Variants in C3orf33 observed in about 807,000 individuals in gnomAD.
C3orf33 encodes the protein AP-1 activity suppressor.
In C3orf33, 23 loss-of-function variants were observed where a neutral mutation model predicts 28.7. The ratio of observed to expected loss-of-function variants is 0.80; its 90% CI spans 0.58 to 1.13. The LOEUF is 1.13. Among genes scored for constraint, C3orf33 ranks in the 50% most tolerant of loss-of-function variants. The probability of loss-of-function intolerance (pLI) is 0.00; values close to 1 mark genes in which losing one functional copy is unlikely to be tolerated. For synonymous variants in C3orf33, 119 were observed against 120.5 expected, an observed-to-expected ratio of 0.99 and a Z score of 0.08; for missense variants, 327 against 353.4, an observed-to-expected ratio of 0.93 and a Z score of 0.60.
chr3:155,785,010 T>C (rs999398241), intron 2 of C3orf33, among the ~76,000 whole-genome samples: 4 of 151,372 alleles, frequency 2.6e-5, no homozygotes, highest in Non-Finnish European at 5.9e-5. Flanking sequence ...AACAAATAGG[T>C]TGAAAGTGAA....
intron 2 of C3orf33, among the ~76,000 whole-genome samples, chr3:155,793,834 A>AAAAAAAAAAAC (rs778070795): frequency 6.8e-5 from 10 of 146,594 alleles, no homozygotes; most frequent in Non-Finnish European, 1.2e-4. Context: ...AAAACTAAAA[A>AAAAAAAAAAAC]AACTAAAAAA....
intron 1 of C3orf33, chr3:155,804,027 T>A: frequency 8.6e-6 from 2 of 232,916 alleles, no homozygotes; most frequent in Non-Finnish European, 1.7e-5. Flanking sequence ...AATACAAAAA[T>A]TAGCCAGGCT....
At chr3:155,790,628 G>A (rs558576111) in intron 2 of C3orf33, among the ~76,000 whole-genome samples, 3 of 152,142 alleles carry the variant, frequency 2.0e-5, no homozygotes, top group East Asian at 1.9e-4. Context: ...CAGCAGCTGC[G>A]TGGCATGGAG....
chr3:155,775,842 T>C lies in C3orf33; in HGVS notation c.181A>G (p.Lys61Glu), dbSNP rs1482907946. 1 of 1,581,256 alleles carries C rather than the reference T, an allele frequency of 6.3e-7. No individual in the cohort carries two copies. Among genetic ancestry groups the C allele is most frequent in the South Asian group, 1.1e-5 (1 of 87,542 alleles). The change falls in exon 3 of 5, where the codon AAA becomes GAA. Residue 61 changes from lysine (K) to glutamate (E), a missense_variant. By Grantham distance (56) the Lys-to-Glu change is moderately conservative. Transcript: ENST00000340171. ...LLLRSIRLTS[K>E]FTSSSDIPVE... ...GGAATATCCGAAGAGCTTGTAAATT[T>C]TGATGTCTATTGATTTACAGGGAGA...
At chr3:155,782,212 GA>G (rs990412551) in intron 2 of C3orf33, among the ~76,000 whole-genome samples, 4 of 137,740 alleles carry the variant, frequency 2.9e-5, no homozygotes, top group Admixed American at 7.3e-5. Flanking sequence ...GGAACAGAAA[GA>G]AAAAAAAAGA....
chr3:155,772,016 C>A, intron 3 of C3orf33, among the ~76,000 whole-genome samples: 1 of 151,970 alleles, frequency 6.6e-6, no homozygotes, highest in Non-Finnish European at 1.5e-5. Context: ...AGGGCAAGGG[C>A]AACACAGCAA....
intron 2 of C3orf33, among the ~76,000 whole-genome samples, chr3:155,781,495 C>T (rs1375590348): frequency 3.9e-5 from 6 of 152,122 alleles, no homozygotes; most frequent in African/African-American, 9.6e-5. Context: ...CAGGGCTGGG[C>T]GCAGTGGCTC....
rs917255566 is a variant in C3orf33 at position 155,806,272 on chromosome 3, C to A, written c.-20G>T. The A allele has an allele frequency of 1.1e-5, 16 of 1,395,502 alleles. No individual in the cohort carries two copies. The African/African-American group carries it at 2.2e-4, about 19-fold the overall frequency. 86.4% of individuals were successfully genotyped at this position (1,395,502 alleles called of 1,614,324 possible). On this transcript the variant is annotated 5_prime_UTR_variant, in exon 1 of 5. Coordinates refer to ENST00000340171, the MANE Select transcript of C3orf33 (RefSeq NM_001308229.2). ...CGCCATGTTCCCGGCCTCCTGCGAGCGGCCCTGAGCTCCTCCGGCTGGCGG... is the reference window on the plus strand; with the variant it reads ...CGCCATGTTCCCGGCCTCCTGCGAGAGGCCCTGAGCTCCTCCGGCTGGCGG...
intron 1 of C3orf33, among the ~76,000 whole-genome samples, chr3:155,805,149 T>G (rs1394196583): frequency 9.3e-6 from 1 of 107,350 alleles, no homozygotes; most frequent in African/African-American, 3.6e-5. Flanking sequence ...AGAGGCTTAG[T>G]GCTTCACTTA....
chr3:155,805,536 A>G (rs1235626340), intron 1 of C3orf33: 2 of 449,728 alleles, frequency 4.4e-6, no homozygotes, highest in Non-Finnish European at 4.5e-6. Flanking sequence ...CCTGGACAAC[A>G]TAGCAAGACT....
intron 3 of C3orf33, among the ~76,000 whole-genome samples, chr3:155,771,051 G>GTGTA (rs2109253773): frequency 7.6e-6 from 1 of 131,730 alleles, no homozygotes; most frequent in Admixed American, 7.9e-5. Context: ...GTGTGTGTGT[G>GTGTA]TGTGTTGAGA....
intron 3 of C3orf33, among the ~76,000 whole-genome samples, chr3:155,774,666 C>CTTTTTTTT (rs62815064): frequency 2.1e-5 from 2 of 95,250 alleles, no homozygotes; most frequent in Non-Finnish European, 4.1e-5. Context: ...TATTGTTTTG[C>CTTTTTTTT]TTTTTTTTTT....
Position 155,806,263 on chromosome 3 carries a change from T to C in C3orf33, c.-11A>G. On this transcript the variant is annotated 5_prime_UTR_variant, in exon 1 of 5. Coordinates refer to ENST00000340171, the MANE Select transcript of C3orf33 (RefSeq NM_001308229.2). Reference sequence around the variant, plus strand: ...GGGCTGCCCCGCCATGTTCCCGGCCTCCTGCGAGCGGCCCTGAGCTCCTCC... The same window carrying C: ...GGGCTGCCCCGCCATGTTCCCGGCCCCCTGCGAGCGGCCCTGAGCTCCTCC... 1 of 1,464,438 alleles carries C rather than the reference T, an allele frequency of 6.8e-7. No individual in the cohort carries two copies. Among genetic ancestry groups the C allele is most frequent in the Non-Finnish European group, 9.0e-7 (1 of 1,105,116 alleles). 90.7% of individuals were successfully genotyped at this position (1,464,438 alleles called of 1,614,324 possible). A position where few individuals can be genotyped will look rare whatever the true frequency, so the allele number is the denominator to read the frequency against.
intron 4 of C3orf33, among the ~76,000 whole-genome samples, chr3:155,766,222 A>C (rs1200073205): frequency 3.9e-5 from 6 of 152,210 alleles, no homozygotes; most frequent in African/African-American, 9.7e-5. Context: ...TGAATATCAT[A>C]GTATGATCAA....
At chr3:155,800,380 A>G (rs1212100118) in intron 2 of C3orf33, among the ~76,000 whole-genome samples, 2 of 152,050 alleles carry the variant, frequency 1.3e-5, no homozygotes, top group African/African-American at 4.8e-5. Context: ...AAGATGGGAG[A>G]ACTGCTTGAG....
At chr3:155,803,088 T>C (rs1751699703) in intron 1 of C3orf33, among the ~76,000 whole-genome samples, 1 of 152,174 alleles carries the variant, frequency 6.6e-6, no homozygotes, top group Non-Finnish European at 1.5e-5. Context: ...TCACTAAACC[T>C]TAATATACAG....
chr3:155,771,860 G>A (rs1325471275), intron 3 of C3orf33, among the ~76,000 whole-genome samples: 1 of 152,138 alleles, frequency 6.6e-6, no homozygotes, highest in Admixed American at 6.6e-5. Flanking sequence ...CTGGTTAGGA[G>A]GGGAGAACAA....
At chr3:155,802,683 C>T (rs998397440) in intron 1 of C3orf33, 92 bp from the exon 2 acceptor site, 3 of 894,474 alleles carry the variant, frequency 3.4e-6, no homozygotes, top group South Asian at 1.5e-5. Flanking sequence ...GAAGACTGTC[C>T]TCTCTATATC....
chr3:155,797,927 C>T (rs911789746), intron 2 of C3orf33, among the ~76,000 whole-genome samples: 14 of 151,802 alleles, frequency 9.2e-5, no homozygotes, highest in Non-Finnish European at 1.6e-4. Context: ...AAAAATTAGC[C>T]GGGCATGGTG....
Sources: allele counts gnomAD v4.1 joint callset (sites outside exome capture counted in the v4.1 genomes callset), GRCh38; gene constraint gnomAD v4.1.1; transcripts MANE v1.5; gene names NCBI Gene and HGNC (gene_info 2026-07-23, HGNC 2026-07-21).